Variants in MINDY2 observed in about 807,000 individuals in gnomAD.
MINDY2 encodes ubiquitin carboxyl-terminal hydrolase MINDY-2.
Under a neutral mutation model 68.2 loss-of-function variants are expected in MINDY2, and 52 were observed. The observed-to-expected ratio is 0.76, with a 90% CI of 0.61 to 0.96. MINDY2 has a LOEUF of 0.96. MINDY2 is among the 40% of genes least tolerant of loss of function. The pLI is 0.00. For synonymous variants in MINDY2, 372 were observed against 303.0 expected (o/e 1.23, Z -2.36); for missense variants, 881 against 773.4 (o/e 1.14, Z -1.65).
At chr15:58,812,208 C>T (rs1045687234) in intron 4 of MINDY2, among the ~76,000 whole-genome samples, 2 of 151,992 alleles carry the variant, frequency 1.3e-5, no homozygotes, top group East Asian at 1.9e-4. Flanking sequence ...GAGGCCGAGG[C>T]GGGTGGATCA....
chr15:58,834,528 C>T (rs1404194571), intron 6 of MINDY2, among the ~76,000 whole-genome samples: 7 of 152,088 alleles, frequency 4.6e-5, no homozygotes, highest in African/African-American at 9.7e-5. Context: ...TGAGAATCTC[C>T]GGAGGTGGGA....
chr15:58,787,186 G>T (rs1901564874), intron 1 of MINDY2, among the ~76,000 whole-genome samples: 1 of 142,368 alleles, frequency 7.0e-6, no homozygotes, highest in African/African-American at 2.6e-5. Context: ...CAGGCCAGAG[G>T]TGTCACCATG....
chr15:58,857,055 T>C lies in MINDY2; in HGVS notation c.*2445T>C, dbSNP rs1595793390. 6.6e-6 allele frequency: 1 copy of C among 152,178 alleles called. No homozygotes were observed. Among genetic ancestry groups the C allele is most frequent in the African/African-American group, 2.4e-5 (1 of 41,436 alleles). The allele number at this position is 152,178 out of a possible 1,614,324, so 9.4% of individuals were successfully genotyped here. ...ATACTTACAAGGAAAAACTAAAAAA[T>C]GTAATGTGTTAATTCAGCCTTTTTC... On this transcript the variant is annotated 3_prime_UTR_variant, in exon 9 of 9. Transcript: ENST00000559228.
At chr15:58,793,803 G>C (rs1167965951) in intron 2 of MINDY2, among the ~76,000 whole-genome samples, 1 of 152,174 alleles carries the variant, frequency 6.6e-6, no homozygotes, top group Non-Finnish European at 1.5e-5. Context: ...AAAGTCATCA[G>C]CTGGGAGTGA....
At chr15:58,851,211 C>T (rs1386225153) in intron 7 of MINDY2, among the ~76,000 whole-genome samples, 1 of 151,878 alleles carries the variant, frequency 6.6e-6, no homozygotes, top group African/African-American at 2.4e-5. Context: ...TGGGCTCAAG[C>T]GATCCACCTG....
chr15:58,791,620 A>ATGTGTGTGTGTGTGTG (rs1491325995), intron 2 of MINDY2, among the ~76,000 whole-genome samples: 3 of 80,846 alleles, frequency 3.7e-5, no homozygotes, highest in South Asian at 3.4e-4. Context: ...CTGTCTCAAA[A>ATGTGTGTGTGTGTGTG]TATGTGTGTG....
Position 58,847,270 on chromosome 15 carries a change from C to T in MINDY2, c.1369-27C>T, listed in dbSNP as rs778800639. 6 of 1,513,506 alleles carry T rather than the reference C, an allele frequency of 4.0e-6. No individual in the cohort carries two copies. The South Asian group carries it at 5.3e-5, about 13-fold the overall frequency. 93.8% of individuals were successfully genotyped at this position (1,513,506 alleles called of 1,614,324 possible). On this transcript the variant is annotated intron_variant, in intron 6 of 8. Coordinates refer to ENST00000559228, the MANE Select transcript of MINDY2 (RefSeq NM_001040450.3). ...ACTAGTTTTGATCAATTTAACAGTC[C>T]TTTTTCTTTTGTTACTTCTTATTAA...
chr15:58,802,437 C>T, intron 3 of MINDY2, 60 bp downstream of exon 3: 1 of 1,075,778 alleles, frequency 9.3e-7, no homozygotes. Flanking sequence ...ACATTGGTTT[C>T]TATTAGTAGC....
chr15:58,819,754 T>G (rs190615742), intron 4 of MINDY2, among the ~76,000 whole-genome samples: 1 of 152,338 alleles, frequency 6.6e-6, no homozygotes, highest in East Asian at 1.9e-4. Flanking sequence ...AGTAAAGGTG[T>G]TGAGGAAAAT....
intron 6 of MINDY2, among the ~76,000 whole-genome samples, chr15:58,845,835 A>G (rs1263330920): frequency 6.6e-6 from 1 of 152,258 alleles, no homozygotes. Context: ...AAAATGTGGT[A>G]CACATACACA....
At chr15:58,833,899 C>T (rs1010707948) in intron 6 of MINDY2, among the ~76,000 whole-genome samples, 3 of 152,090 alleles carry the variant, frequency 2.0e-5, no homozygotes, top group South Asian at 2.1e-4. Flanking sequence ...GGCTGCCGGA[C>T]GGTCAGGTCT....
Position 58,802,365 on chromosome 15 carries a change from A to T in MINDY2, c.951A>T (p.Leu317Phe), listed in dbSNP as rs1297380733. ...KPKEISEIQR[L>F]NYEQNMSDAM... The stretch of plus-strand genomic sequence containing the variant: ...AAGAAATTTCAGAAATTCAACGTTT[A>T]AATTATGAACAGGTAATAAACAGTT... The change falls in exon 3 of 9, where the codon TTA becomes TTT. Residue 317 changes from leucine (L) to phenylalanine (F), a missense_variant. Transcript: ENST00000559228. 8 of 1,585,348 alleles carry T rather than the reference A, an allele frequency of 5.0e-6. No homozygotes were observed. Among genetic ancestry groups the T allele is most frequent in the Non-Finnish European group, 6.9e-6 (8 of 1,165,254 alleles).
intron 1 of MINDY2, 100 bp from the exon 2 acceptor site, chr15:58,787,806 A>G: frequency 1.5e-6 from 1 of 665,956 alleles, no homozygotes; most frequent in Non-Finnish European, 2.5e-6. Flanking sequence ...TAAGTATAGT[A>G]GATACATAAT....
At chr15:58,790,125 T>C (rs1281188170) in intron 2 of MINDY2, among the ~76,000 whole-genome samples, 1 of 152,170 alleles carries the variant, frequency 6.6e-6, no homozygotes, top group African/African-American at 2.4e-5. Context: ...TAATCCCCAT[T>C]CACTGGCTAG....
chr15:58,836,761 G>A (rs1408247773), intron 6 of MINDY2, among the ~76,000 whole-genome samples: 1 of 152,038 alleles, frequency 6.6e-6, no homozygotes, highest in African/African-American at 2.4e-5. Context: ...TGGGACTACA[G>A]GTGTACACGA....
At position 58,814,761 on chromosome 15, in the gene MINDY2, G is replaced by GAT. The variant is rs1363207446; in HGVS notation, c.1122+4378_1122+4379dup. On this transcript the variant is annotated intron_variant, in intron 4 of 8. Transcript: ENST00000559228. ...TGTTCTAAGCACAAATCTCTTGTCA[G>GAT]ATATATGACTTGGAAATATTCTTTA... is the stretch of plus-strand genomic sequence containing the variant. Among the ~76,000 whole-genome samples the GAT allele has an allele frequency of 2.0e-5, 3 of 148,674 alleles. No individual in the cohort carries two copies. The Admixed American group carries it at 2.0e-4, about 10-fold the overall frequency.
chr15:58,773,421 C>A (rs1450475774), intron 1 of MINDY2, among the ~76,000 whole-genome samples: 1 of 152,212 alleles, frequency 6.6e-6, no homozygotes, highest in East Asian at 1.9e-4. Context: ...AAATTAGAAA[C>A]CTTGCCATTG....
At chr15:58,779,609 C>CTTGT (rs1380794085) in intron 1 of MINDY2, among the ~76,000 whole-genome samples, 1 of 152,182 alleles carries the variant, frequency 6.6e-6, no homozygotes, top group Non-Finnish European at 1.5e-5. Context: ...CTCTGCCCAC[C>CTTGT]TTGTTTTTAA....
In MINDY2 at chr15:58,851,875, C is replaced by G. The variant is rs762490890; in HGVS notation, c.1647C>G (p.Leu549=). 4 of 1,613,244 alleles carry G rather than the reference C, an allele frequency of 2.5e-6. No individual in the cohort carries two copies. Among genetic ancestry groups the G allele is most frequent in the Non-Finnish European group, 3.4e-6 (4 of 1,179,736 alleles). Residue 549 remains leucine (L), a synonymous_variant, in exon 8 of 9, where the codon CTC becomes CTG. Coordinates refer to ENST00000559228, the MANE Select transcript of MINDY2 (RefSeq NM_001040450.3). ...GISDLELAKK[L]QEEEDRRASQ... ...GTGATTTGGAACTAGCAAAGAAACT[C>G]CAAGAGGAAGAGGACAGACGGGCTT... is the stretch of plus-strand genomic sequence containing the variant.
Sources: allele counts gnomAD v4.1 joint callset (sites outside exome capture counted in the v4.1 genomes callset), GRCh38; gene constraint gnomAD v4.1.1; transcripts MANE v1.5; gene names NCBI Gene and HGNC (gene_info 2026-07-23, HGNC 2026-07-21).